Variants in TXNDC12 observed in about 807,000 individuals in gnomAD.
TXNDC12 encodes thioredoxin domain-containing protein 12.
TXNDC12 carries 22 observed loss-of-function variants against 24.2 expected under a neutral mutation model. The ratio of observed to expected loss-of-function variants is 0.91; its 90% CI spans 0.65 to 1.30. The LOEUF (loss-of-function observed/expected upper bound fraction) is 1.30. TXNDC12 is among the 50% of genes most tolerant of loss of function. TXNDC12 has a pLI of 0.00. For missense variants in TXNDC12, 184 were observed against 205.8 expected, an observed-to-expected ratio of 0.89 and a Z score of 0.65; for synonymous variants, 58 against 73.4, an observed-to-expected ratio of 0.79 and a Z score of 1.07.
intron 1 of TXNDC12, among the ~76,000 whole-genome samples, chr1:52,046,863 A>AT (rs1557998307): frequency 3.3e-3 from 97 of 29,190 alleles, no homozygotes; most frequent in African/African-American, 4.7e-3. Context: ...TAAAAAAAAA[A>AT]AAAATATATA....
chr1:52,055,958 G>A (rs978735606), upstream of TXNDC12: 2 of 152,108 alleles, frequency 1.3e-5, no homozygotes, highest in African/African-American at 2.4e-5. Flanking sequence ...GAAAATGTCC[G>A]GTCTTTTTCT....
intron 1 of TXNDC12, among the ~76,000 whole-genome samples, chr1:52,042,184 A>G (rs1572008390): frequency 6.6e-6 from 1 of 152,208 alleles, no homozygotes; most frequent in Non-Finnish European, 1.5e-5. Flanking sequence ...TATTCCCACA[A>G]TTCACCCAGA....
chr1:52,028,492 G>T, intron 3 of TXNDC12, 86 bp downstream of exon 3: 2 of 1,053,272 alleles, frequency 1.9e-6, no homozygotes, highest in Non-Finnish European at 2.9e-6. Flanking sequence ...AGTAGTGCTG[G>T]GCCAGAGTCA....
intron 1 of TXNDC12, among the ~76,000 whole-genome samples, chr1:52,053,681 A>C (rs181164158): frequency 0.013 from 2,002 of 151,094 alleles, 42 homozygotes; most frequent in African/African-American, 0.047. Flanking sequence ...AAACAAAACA[A>C]CAACAAAAAA....
intron 2 of TXNDC12, among the ~76,000 whole-genome samples, chr1:52,038,903 G>GTT (rs71041880): frequency 1.5e-4 from 17 of 116,300 alleles, no homozygotes; most frequent in Non-Finnish European, 2.3e-4. Flanking sequence ...TTCTTTTTCT[G>GTT]TTTTTTTTTT....
chr1:52,021,427 T>C (rs181515187), intron 6 of TXNDC12, among the ~76,000 whole-genome samples: 1 of 150,924 alleles, frequency 6.6e-6, no homozygotes, highest in Admixed American at 6.6e-5. Flanking sequence ...GGATGAATGT[T>C]GCACTTATTT....
chr1:52,038,314 T>G (rs1685921132), intron 2 of TXNDC12, among the ~76,000 whole-genome samples: 1 of 149,364 alleles, frequency 6.7e-6, no homozygotes, highest in Admixed American at 6.7e-5. Context: ...TCCTGTATCT[T>G]GTTTTTTTTT....
rs763406214 is a variant in TXNDC12 at position 52,055,124 on chromosome 1, T to C, written c.-28A>G. On this transcript the variant is annotated 5_prime_UTR_variant, in exon 1 of 7. Transcript: ENST00000371626. ...CAGTAGGTGCGCGGGGCCACGGGGC[T>C]GAGCGGACGCAGGGCCGGAGTCCCA... 3 of 1,559,632 alleles carry C rather than the reference T, an allele frequency of 1.9e-6. No homozygotes were observed. The highest frequency in any genetic ancestry group is 2.7e-6 in the Non-Finnish European group (3 of 1,130,940).
intron 1 of TXNDC12, among the ~76,000 whole-genome samples, chr1:52,046,228 T>C (rs1372244908): frequency 6.7e-6 from 1 of 150,320 alleles, no homozygotes; most frequent in Non-Finnish European, 1.5e-5. Context: ...TTTGTGGTAC[T>C]TTCTTACTGT....
At chr1:52,037,423 G>C (rs1468655283) in intron 2 of TXNDC12, among the ~76,000 whole-genome samples, 1 of 152,058 alleles carries the variant, frequency 6.6e-6, no homozygotes, top group Non-Finnish European at 1.5e-5. Context: ...TGTTGGTCAG[G>C]CTGGTCTGGA....
intron 6 of TXNDC12, among the ~76,000 whole-genome samples, chr1:52,022,724 T>C (rs1411636113): frequency 7.2e-6 from 1 of 138,892 alleles, no homozygotes. Context: ...CACTGCAACC[T>C]CTGCCTCTCG....
intron 1 of TXNDC12, 45 bp downstream of exon 1, chr1:52,054,955 A>G (rs1328796264): frequency 7.2e-7 from 1 of 1,389,166 alleles, no homozygotes; most frequent in East Asian, 2.3e-5. Context: ...TACTGGGATC[A>G]GTATAGTAAA....
chr1:52,052,017 TTC>T (rs1686215338), intron 1 of TXNDC12, among the ~76,000 whole-genome samples: 2 of 152,318 alleles, frequency 1.3e-5, no homozygotes, highest in South Asian at 4.1e-4. Flanking sequence ...ATTAAATATT[TTC>T]TAAGTGTCCG....
chr1:52,047,422 C>T (rs1411714701), intron 1 of TXNDC12, among the ~76,000 whole-genome samples: 1 of 152,026 alleles, frequency 6.6e-6, no homozygotes. Context: ...ATGAAATAGT[C>T]CCCTAGGAGA....
At chr1:52,047,913 A>T (rs1223718076) in intron 1 of TXNDC12, among the ~76,000 whole-genome samples, 1 of 152,192 alleles carries the variant, frequency 6.6e-6, no homozygotes, top group Non-Finnish European at 1.5e-5. Context: ...AAGAGTTACT[A>T]CTAAAAGAAA....
chr1:52,056,126 G>T (rs2809954), upstream of TXNDC12: 140,389 of 152,304 alleles, frequency 0.92, 65,572 homozygotes, highest in Non-Finnish European at 1. Flanking sequence ...GAGACTGCAA[G>T]CCCCAGGATG....
intron 2 of TXNDC12, among the ~76,000 whole-genome samples, chr1:52,037,286 C>T (rs1685901908): frequency 6.7e-6 from 1 of 148,492 alleles, no homozygotes; most frequent in Admixed American, 6.8e-5. Flanking sequence ...GATCTCAGCT[C>T]ACTGCAACCT....
intron 2 of TXNDC12, among the ~76,000 whole-genome samples, chr1:52,036,082 C>G (rs1005584722): frequency 6.6e-6 from 1 of 152,160 alleles, no homozygotes; most frequent in Non-Finnish European, 1.5e-5. Flanking sequence ...CACAGTAGCA[C>G]TTAGTACAGC....
intron 5 of TXNDC12, among the ~76,000 whole-genome samples, chr1:52,023,990 CTTTT>C (rs397830118): frequency 7.0e-6 from 1 of 142,784 alleles, no homozygotes. Flanking sequence ...TGATCAAACT[CTTTT>C]TTTTTTTTTT....
Sources: gnomAD v4.1 joint callset for allele counts (sites outside exome capture counted in the v4.1 genomes callset) on GRCh38, gnomAD v4.1.1 for gene constraint, MANE v1.5 for transcripts, NCBI Gene and HGNC (gene_info 2026-07-23, HGNC 2026-07-21) for gene names.